The following RFK variants were observed in gnomAD, a reference collection of about 807,000 sequenced individuals.
The protein encoded by RFK is 0610038L10Rik.
A neutral mutation model predicts 17.6 loss-of-function variants in RFK; 4 were observed. The ratio of observed to expected loss-of-function variants is 0.23; its 90% CI spans 0.11 to 0.52. The LOEUF (loss-of-function observed/expected upper bound fraction) is 0.52, where lower values mean the gene tolerates loss of function less well. Among genes scored for constraint, RFK ranks in the 20% least tolerant of loss-of-function variants. RFK has a pLI of 0.96. For synonymous variants in RFK, 59 were observed against 63.8 expected (o/e 0.92, Z 0.36); for missense variants, 189 against 187.7 (o/e 1.01, Z -0.04).
chr9:76,388,686 T>C (rs1043522975), intron 2 of RFK, 30 bp from the exon 3 acceptor site: 4 of 1,316,604 alleles, frequency 3.0e-6, no homozygotes, highest in Non-Finnish European at 4.4e-6. Context: ...CAAAGAGTGC[T>C]ATCAGACTAC....
chr9:76,393,129 A>T (rs1221141394), intron 1 of RFK, among the ~76,000 whole-genome samples: 1 of 152,180 alleles, frequency 6.6e-6, no homozygotes, highest in Non-Finnish European at 1.5e-5. Context: ...AGGATGCAAA[A>T]AACAAGTACC....
At chr9:76,393,965 G>C in intron 1 of RFK, 125 bp downstream of exon 1, 1 of 818,728 alleles carries the variant, frequency 1.2e-6, no homozygotes. Context: ...GATGCGGGAG[G>C]AGGAAGGGTG....
rs1822751837 is a variant in RFK at position 76,387,371 on chromosome 9, G to C, written c.*28C>G. ...ATAAACACAGAAACACTAGAAAACA[G>C]TGAATGAATAAATAATACAATTTTT... On this transcript the variant is annotated 3_prime_UTR_variant, in exon 4 of 4. Coordinates refer to ENST00000376736, the MANE Select transcript of RFK (RefSeq NM_018339.6). The C allele has an allele frequency of 1.3e-6, 2 of 1,588,576 alleles. No individual in the cohort carries two copies. Among genetic ancestry groups the C allele is most frequent in the African/African-American group, 2.7e-5 (2 of 74,190 alleles).
At chr9:76,387,655 T>G (rs955724922) in intron 3 of RFK, 126 bp from the exon 4 acceptor site, 78 of 825,610 alleles carry the variant, frequency 9.4e-5, no homozygotes, top group Admixed American at 1.6e-4. Context: ...AGATACCCAA[T>G]AAATGTTTGT....
intron 1 of RFK, chr9:76,393,809 C>T: frequency 2.1e-6 from 1 of 486,858 alleles, no homozygotes; most frequent in Non-Finnish European, 3.7e-6. Context: ...CCTTGGCTGG[C>T]CAAGGAGGCG....
At chr9:76,392,987 T>C (rs1184576238) in intron 1 of RFK, among the ~76,000 whole-genome samples, 5 of 152,178 alleles carry the variant, frequency 3.3e-5, no homozygotes, top group African/African-American at 9.7e-5. Flanking sequence ...TCCTACAACT[T>C]TGCCTGTAAG....
intron 2 of RFK, among the ~76,000 whole-genome samples, chr9:76,389,729 C>G (rs960284484): frequency 2.6e-5 from 4 of 152,064 alleles, no homozygotes; most frequent in African/African-American, 9.7e-5. Flanking sequence ...CCACTGCACT[C>G]CAGCACTCTA....
intron 2 of RFK, among the ~76,000 whole-genome samples, chr9:76,392,126 AAAAC>A (rs1168689229): frequency 6.6e-6 from 1 of 152,202 alleles, no homozygotes; most frequent in African/African-American, 2.4e-5. Flanking sequence ...AAAACAAAAC[AAAAC>A]AAAAAGCACA....
At chr9:76,388,142 T>A in intron 3 of RFK, 1 of 396,990 alleles carries the variant, frequency 2.5e-6, no homozygotes, top group South Asian at 1.8e-5. Flanking sequence ...AAAAGAAACT[T>A]TATAACAGAG....
chr9:76,394,028 T>C (rs1822856776), intron 1 of RFK, 62 bp downstream of exon 1: 2 of 1,491,950 alleles, frequency 1.3e-6, no homozygotes, highest in South Asian at 2.4e-5. Flanking sequence ...AGTCCCCGGC[T>C]GCCGTCTCTC....
intron 2 of RFK, among the ~76,000 whole-genome samples, chr9:76,389,094 C>T (rs527395722): frequency 5.3e-5 from 8 of 152,308 alleles, no homozygotes; most frequent in African/African-American, 1.9e-4. Flanking sequence ...CAGAGTTTGG[C>T]AGAGCTGAGG....
At chr9:76,393,960 G>C (rs529375790) in intron 1 of RFK, 130 bp downstream of exon 1, 2 of 780,740 alleles carry the variant, frequency 2.6e-6, no homozygotes, top group African/African-American at 3.6e-5. Context: ...AAGGGGATGC[G>C]GGAGGAGGAA....
chr9:76,387,928 G>A, intron 3 of RFK: 1 of 245,572 alleles, frequency 4.1e-6, no homozygotes, highest in Non-Finnish European at 8.1e-6. Context: ...GAACCTGGGA[G>A]GTGGAGGTTG....
At chr9:76,389,913 AAAATAGGAG>A (rs1822795511) in intron 2 of RFK, among the ~76,000 whole-genome samples, 1 of 152,234 alleles carries the variant, frequency 6.6e-6, no homozygotes, top group South Asian at 2.1e-4. Context: ...CAGGTTTTTT[AAAATAGGAG>A]AAACTGACAA....
rs1167113244 is a variant in RFK at position 76,385,840 on chromosome 9, TGA to T, written c.*1557_*1558del. Reference sequence around the variant, plus strand: ...TTTACTTCATAAAGCCACTGATAATTGAGGTTTCTTTCAAGTATAAGATTTCT... The same window carrying T: ...TTTACTTCATAAAGCCACTGATAATTGGTTTCTTTCAAGTATAAGATTTCT... On this transcript the variant is annotated 3_prime_UTR_variant, in exon 4 of 4. Transcript: ENST00000376736. 1 of 152,184 alleles carries T rather than the reference TGA, an allele frequency of 6.6e-6. No individual in the cohort carries two copies. Among genetic ancestry groups the T allele is most frequent in the African/African-American group, 2.4e-5 (1 of 41,450 alleles). 9.4% of individuals were successfully genotyped at this position (152,184 alleles called of 1,614,324 possible).
chr9:76,392,146 A>G (rs999499616), intron 2 of RFK, among the ~76,000 whole-genome samples: 2 of 152,230 alleles, frequency 1.3e-5, no homozygotes, highest in African/African-American at 2.4e-5. Context: ...GCACACTACC[A>G]CAAAAGGCAG....
chr9:76,392,313 T>G, intron 2 of RFK, 105 bp downstream of exon 2: 1 of 1,151,096 alleles, frequency 8.7e-7, no homozygotes, highest in Non-Finnish European at 1.2e-6. Context: ...GTATTTGAAC[T>G]ACGTTGTGAT....
rs1328290889 is a variant in RFK, at chr9:76,386,661, G to A, written c.*738C>T. On this transcript the variant is annotated 3_prime_UTR_variant, in exon 4 of 4. Coordinates refer to ENST00000376736, the MANE Select transcript of RFK (RefSeq NM_018339.6). ...AACAACAACAAACAGATAGGCAGGG[G>A]AAGTCCAGAGGACTCAGAATTGAAG... The A allele has an allele frequency of 6.6e-6, 1 of 152,176 alleles. No individual in the cohort carries two copies. The highest frequency in any genetic ancestry group is 1.5e-5 in the Non-Finnish European group (1 of 68,036). 9.4% of individuals were successfully genotyped at this position (152,176 alleles called of 1,614,324 possible).
chr9:76,386,103 T>C lies in RFK; in HGVS notation c.*1296A>G, dbSNP rs1295289490. ...ATCTGCTTCTACCTCTATCCCCCCA[T>C]CACCACCAAATCTGTTGCTACAGTG... On this transcript the variant is annotated 3_prime_UTR_variant, in exon 4 of 4. Transcript: ENST00000376736. The C allele has an allele frequency of 1.3e-5, 2 of 152,126 alleles. No homozygotes were observed. The highest frequency in any genetic ancestry group is 2.4e-5 in the African/African-American group (1 of 41,430). 9.4% of individuals were successfully genotyped at this position (152,126 alleles called of 1,614,324 possible).
Sources: gnomAD v4.1 joint callset for allele counts (sites outside exome capture counted in the v4.1 genomes callset) on GRCh38, gnomAD v4.1.1 for gene constraint, MANE v1.5 for transcripts, NCBI Gene and HGNC (gene_info 2026-07-23, HGNC 2026-07-21) for gene names.